The following CHD1 variants were observed in gnomAD, a reference collection of about 807,000 sequenced individuals.
CHD1 encodes the protein chromodomain helicase DNA binding protein 1.
In CHD1, 36 loss-of-function variants were observed where a neutral mutation model predicts 224.2. The observed-to-expected ratio is 0.16, with a 90% CI of 0.12 to 0.21. The LOEUF is 0.21. Among genes scored for constraint, CHD1 ranks in the 10% least tolerant of loss-of-function variants. CHD1 has a pLI of 1.00. For missense variants in CHD1, 1,378 were observed against 1,994.8 expected, an observed-to-expected ratio of 0.69 and a Z score of 5.89; for synonymous variants, 668 against 658.3, an observed-to-expected ratio of 1.01 and a Z score of -0.23.
intron 22 of CHD1, among the ~76,000 whole-genome samples, 169 bp from the exon 23 acceptor site, chr5:98,879,897 A>C (rs1750042391): frequency 6.6e-6 from 1 of 152,212 alleles, no homozygotes; most frequent in Non-Finnish European, 1.5e-5. Flanking sequence ...AGGGCAAAGC[A>C]GATCAAACCA....
chr5:98,892,686 T>C lies in CHD1; in HGVS notation c.2019A>G (p.Glu673=). Residue 673 remains glutamate (E), a synonymous_variant, in exon 15 of 36, where the codon GAA becomes GAG. Transcript: ENST00000614616. ...EKFSSWEDFE[E]EHGKGREYGY... ...CATATTCTCTCCCTTTGCCATGTTC[T>C]TCTTCAAAATCTTCCCAGGAAGAAA... 1 of 1,595,130 alleles carries C rather than the reference T, an allele frequency of 6.3e-7. No individual in the cohort carries two copies. Among genetic ancestry groups the C allele is most frequent in the South Asian group, 1.1e-5 (1 of 87,526 alleles).
intron 5 of CHD1, 73 bp from the exon 6 acceptor site, chr5:98,901,408 C>A: frequency 1.7e-6 from 2 of 1,177,396 alleles, no homozygotes; most frequent in South Asian, 3.2e-5. Context: ...CAAAGATGAT[C>A]AAATCAACCA....
intron 2 of CHD1, among the ~76,000 whole-genome samples, chr5:98,916,896 G>A (rs188048496): frequency 6.6e-6 from 1 of 151,696 alleles, no homozygotes; most frequent in South Asian, 2.1e-4. Context: ...AACTAATTCT[G>A]ATTCTTTTAT....
chr5:98,894,717 G>T, intron 12 of CHD1, 31 bp from the exon 13 acceptor site: 1 of 996,608 alleles, frequency 1.0e-6, no homozygotes, highest in South Asian at 1.6e-5. Context: ...CAATTTTTAA[G>T]ACAAACATCA....
rs752107996 is a variant in CHD1, at chr5:98,858,980, G to A, written c.4560C>T (p.His1520=). Residue 1520 remains histidine (H), a synonymous_variant, in exon 34 of 36, where the codon CAC becomes CAT. Coordinates refer to ENST00000614616, the MANE Select transcript of CHD1 (RefSeq NM_001270.4). ...NSDQNSNLNP[H]VIRNPDVERL... ...CTTACATACCTGGATTTCTAATCACGTGAGGATTCAAGTTGCTGTTTTGAT... is the reference window on the plus strand; with the variant it reads ...CTTACATACCTGGATTTCTAATCACATGAGGATTCAAGTTGCTGTTTTGAT... 8.3e-6 allele frequency: 13 copies of A among 1,557,760 alleles called. No homozygotes were observed. The highest frequency in any genetic ancestry group is 4.9e-5 in the East Asian group (2 of 40,808).
Position 98,881,276 on chromosome 5 carries a change from T to TC in CHD1, c.2964+2_2964+3insG, listed in dbSNP as rs771926708. ...CCTTTTTTTTTTTTTTTTTTTTTTT[T>TC]ACCTGGGGCTCTTGTTCTTCTCCTT... On this transcript the variant is annotated splice_region_variant and intron_variant, in intron 21 of 35. Coordinates refer to ENST00000614616, the MANE Select transcript of CHD1 (RefSeq NM_001270.4). The TC allele has an allele frequency of 9.1e-6, 11 of 1,213,474 alleles. No individual in the cohort carries two copies. Among genetic ancestry groups the TC allele is most frequent in the Middle Eastern group, 2.9e-4 (1 of 3,480 alleles). 75.2% of individuals were successfully genotyped at this position (1,213,474 alleles called of 1,614,324 possible).
At chr5:98,912,325 T>C (rs1350619372) in intron 2 of CHD1, among the ~76,000 whole-genome samples, 1 of 151,956 alleles carries the variant, frequency 6.6e-6, no homozygotes, top group African/African-American at 2.4e-5. Flanking sequence ...ATAAAATAAC[T>C]TAACAAAACT....
Position 98,854,213 on chromosome 5 carries a change from A to T in CHD1, c.*2167T>A, listed in dbSNP as rs947622776. 1 of 152,070 alleles carries T rather than the reference A, an allele frequency of 6.6e-6. No homozygotes were observed. The highest frequency in any genetic ancestry group is 2.4e-5 in the African/African-American group (1 of 41,458). 9.4% of individuals were successfully genotyped at this position (152,070 alleles called of 1,614,324 possible). ...AAAAATGAACATATTTTATCATTTG[A>T]TAAATGTACATACAGTTCTATATTT... is the stretch of plus-strand genomic sequence containing the variant. On this transcript the variant is annotated 3_prime_UTR_variant, in exon 36 of 36. Transcript: ENST00000614616.
intron 14 of CHD1, 75 bp downstream of exon 14, chr5:98,893,337 TACTG>T (rs1485414902): frequency 1.1e-6 from 1 of 949,160 alleles, no homozygotes; most frequent in Non-Finnish European, 1.5e-6. Context: ...TAAAAACTCT[TACTG>T]ACCTTATTAC....
rs1751155316 is a variant in CHD1 at position 98,893,570 on chromosome 5, C to T, written c.1837G>A (p.Val613Ile). Residue 613 changes from valine to isoleucine, a missense_variant, in exon 14 of 36, where the codon GTT (valine) becomes ATT (isoleucine). By Grantham distance (29) the Val-to-Ile change is conservative. Around this residue, in one of 16 missense-constraint regions of CHD1, gnomAD observed 18 missense variants for 16.1 expected, o/e 1.11. Coordinates refer to ENST00000614616, the MANE Select transcript of CHD1 (RefSeq NM_001270.4). ...TTCTTTAATCGGTGTGCTTCATCAA[C>T]ACCTATAAATGCCCAATTTAGACCT... ...LGGLNWAFIG[V>I]DEAHRLKNDD... 1 of 1,608,062 alleles carries T rather than the reference C, an allele frequency of 6.2e-7. No homozygotes were observed. The highest frequency in any genetic ancestry group is 8.5e-7 in the Non-Finnish European group (1 of 1,177,392).
chr5:98,858,653 C>A, intron 34 of CHD1: 1 of 439,526 alleles, frequency 2.3e-6, no homozygotes, highest in Non-Finnish European at 4.0e-6. Context: ...GACTCTGATA[C>A]AGAAAGAATG....
At chr5:98,872,695 C>T in intron 26 of CHD1, 140 bp from the exon 27 acceptor site, 1 of 738,690 alleles carries the variant, frequency 1.4e-6, no homozygotes, top group Non-Finnish European at 2.2e-6. Context: ...ACTGGAAAAC[C>T]TTGAACTTCA....
chr5:98,879,032 G>C (rs1272375363), intron 23 of CHD1, among the ~76,000 whole-genome samples: 1 of 152,118 alleles, frequency 6.6e-6, no homozygotes, highest in Non-Finnish European at 1.5e-5. Context: ...AGAAGTTCCA[G>C]ACCAGCCTGG....
In CHD1 at chr5:98,891,798, G is replaced by C. The variant is rs192219791; in HGVS notation, c.2180+727C>G. ...TGTACTCCAGCCTGGAGTACAAAGG[G>C]AGACTCCGTCTCAAAAAACAAACAA... On this transcript the variant is annotated intron_variant, in intron 15 of 35. Transcript: ENST00000614616. 4.6e-3 allele frequency among the ~76,000 whole-genome samples: 702 copies of C among 152,228 alleles called. 8 individuals carry two copies. Among genetic ancestry groups the C allele is most frequent in the African/African-American group, 0.015 (644 of 41,554 alleles).
chr5:98,862,021 G>C (rs981104684), intron 32 of CHD1, among the ~76,000 whole-genome samples: 1 of 152,036 alleles, frequency 6.6e-6, no homozygotes, highest in African/African-American at 2.4e-5. Context: ...GCCAGGCCTG[G>C]TAGCGTGGGC....
chr5:98,895,479 T>A (rs2112488098), intron 12 of CHD1, among the ~76,000 whole-genome samples: 2 of 152,294 alleles, frequency 1.3e-5, no homozygotes, highest in South Asian at 4.1e-4. Flanking sequence ...TAGGCTGGTA[T>A]GGTGGCTCAC....
intron 31 of CHD1, among the ~76,000 whole-genome samples, chr5:98,867,230 A>T (rs1748943777): frequency 6.6e-6 from 1 of 152,214 alleles, no homozygotes; most frequent in South Asian, 2.1e-4. Flanking sequence ...TTTAGAATAA[A>T]GGCACAGATA....
At chr5:98,871,848 T>C (rs1749378488) in intron 28 of CHD1, among the ~76,000 whole-genome samples, 1 of 152,172 alleles carries the variant, frequency 6.6e-6, no homozygotes, top group African/African-American at 2.4e-5. Flanking sequence ...TAATAACATA[T>C]AATTTCACAG....
intron 2 of CHD1, 25 bp downstream of exon 2, chr5:98,926,309 A>T (rs762710926): frequency 3.6e-6 from 5 of 1,408,398 alleles, no homozygotes; most frequent in Non-Finnish European, 3.9e-6. Flanking sequence ...CATAGTAAAC[A>T]ATTGATAACA....
Sources: gnomAD v4.1 joint callset for allele counts (sites outside exome capture counted in the v4.1 genomes callset) on GRCh38, gnomAD v4.1.1 for gene constraint, gnomAD v4.1.1 regional missense constraint, MANE v1.5 for transcripts, NCBI Gene and HGNC (gene_info 2026-07-23, HGNC 2026-07-21) for gene names.